The following MARK3 variants were observed in gnomAD, a reference collection of about 807,000 sequenced individuals.
The protein encoded by MARK3 is microtubule affinity regulating kinase 3.
MARK3 carries 46 observed loss-of-function variants against 90.1 expected under a neutral mutation model. The observed-to-expected ratio is 0.51, with a 90% CI of 0.40 to 0.65. MARK3 has a LOEUF of 0.65. Among genes scored for constraint, MARK3 ranks in the 30% least tolerant of loss-of-function variants. The pLI is 0.00. For synonymous variants in MARK3, 321 were observed against 332.6 expected (o/e 0.97, Z 0.38); for missense variants, 818 against 947.2 (o/e 0.86, Z 1.79).
At chr14:103,474,503 T>G (rs1471345551) in intron 12 of MARK3, among the ~76,000 whole-genome samples, 1 of 152,196 alleles carries the variant, frequency 6.6e-6, no homozygotes, top group East Asian at 1.9e-4. Context: ...CCCTGTCTAC[T>G]CAAACTCCGG....
chr14:103,416,712 T>C (rs748265467), intron 2 of MARK3, among the ~76,000 whole-genome samples: 6 of 152,004 alleles, frequency 3.9e-5, no homozygotes, highest in Non-Finnish European at 7.4e-5. Context: ...GCAGAGGTTG[T>C]GGTGAGCCGA....
intron 13 of MARK3, among the ~76,000 whole-genome samples, chr14:103,479,999 C>G (rs1393718920): frequency 6.6e-6 from 1 of 151,994 alleles, no homozygotes; most frequent in African/African-American, 2.4e-5. Context: ...ATTAGGTTGT[C>G]AGGCCGGGCA....
rs1275585191 is a variant in MARK3, at chr14:103,500,731, TC to T, written c.1916+534del. 2.6e-5 allele frequency among the ~76,000 whole-genome samples: 4 copies of T among 151,996 alleles called. No homozygotes were observed. The East Asian group carries it at 7.8e-4, about 30-fold the overall frequency. ...TCGAGTTCCCAGGCTTATGCGATCC[TC>T]CCACCTCAGCCTCCTGAGTATCTGG... On this transcript the variant is annotated intron_variant, in intron 17 of 17. Coordinates refer to ENST00000429436, the MANE Select transcript of MARK3 (RefSeq NM_001128918.3).
chr14:103,500,267 C>CT, intron 17 of MARK3, 67 bp downstream of exon 17: 1 of 1,200,538 alleles, frequency 8.3e-7, no homozygotes, highest in South Asian at 1.4e-5. Context: ...GCAGAGGCGA[C>CT]TATTTTCTGA....
intron 2 of MARK3, among the ~76,000 whole-genome samples, chr14:103,420,077 AG>A (rs2092141610): frequency 6.6e-6 from 1 of 152,210 alleles, no homozygotes; most frequent in Non-Finnish European, 1.5e-5. Flanking sequence ...ATTCCATATA[AG>A]ATATAGAATA....
intron 5 of MARK3, among the ~76,000 whole-genome samples, chr14:103,455,581 AGC>A: frequency 6.6e-6 from 1 of 152,094 alleles, no homozygotes; most frequent in South Asian, 2.1e-4. Context: ...TACAAAAATT[AGC>A]CGGGTGTGGT....
rs1299534465 is a variant in MARK3, at chr14:103,470,453, C to CAATTTTTTTTTTTTTTTTTTTT, written c.1264+2267_1264+2268insAATTTTTTTTTTTTTTTTTTTT. Among the ~76,000 whole-genome samples the CAATTTTTTTTTTTTTTTTTTTT allele has an allele frequency of 2.9e-3, 69 of 24,174 alleles. 1 individual carries two copies. Among genetic ancestry groups the CAATTTTTTTTTTTTTTTTTTTT allele is most frequent in the Non-Finnish European group, 4.7e-3 (57 of 12,012 alleles). 15.9% of individuals were successfully genotyped at this position (24,174 alleles called of 152,430 possible). A position where few individuals can be genotyped will look rare whatever the true frequency, so the allele number is the denominator to read the frequency against. ...CTATTCCAGGATTCAGGAACTAAAT[C>CAATTTTTTTTTTTTTTTTTTTT]TATTTTTTTTTTTTTTTTTGAGATG... On this transcript the variant is annotated intron_variant, in intron 12 of 17. Transcript: ENST00000429436.
chr14:103,447,548 G>T (rs2093027303), intron 3 of MARK3, among the ~76,000 whole-genome samples: 2 of 152,176 alleles, frequency 1.3e-5, no homozygotes, highest in African/African-American at 4.8e-5. Context: ...CAGAAGGATA[G>T]CAGGACCTTA....
intron 1 of MARK3, 43 bp from the exon 2 acceptor site, chr14:103,405,033 T>A: frequency 6.5e-7 from 1 of 1,529,300 alleles, no homozygotes; most frequent in Non-Finnish European, 8.9e-7. Flanking sequence ...GCAAGTACTC[T>A]GTGTTCTCTC....
intron 12 of MARK3, among the ~76,000 whole-genome samples, chr14:103,470,269 T>C (rs2093598809): frequency 1.3e-5 from 2 of 151,804 alleles, no homozygotes; most frequent in South Asian, 2.1e-4. Flanking sequence ...TAGAAGCCAG[T>C]CCTTTATGAG....
At chr14:103,435,548 A>G (rs1053071987) in intron 3 of MARK3, among the ~76,000 whole-genome samples, 1 of 151,906 alleles carries the variant, frequency 6.6e-6, no homozygotes, top group Non-Finnish European at 1.5e-5. Flanking sequence ...AGCTGGGACT[A>G]CAAGCACCCG....
intron 4 of MARK3, among the ~76,000 whole-genome samples, chr14:103,449,909 T>A (rs1409870391): frequency 6.6e-6 from 1 of 151,930 alleles, no homozygotes. Flanking sequence ...AGGATTGATG[T>A]TTAGTATCAA....
At chr14:103,447,827 G>GT (rs1474468647) in intron 3 of MARK3, among the ~76,000 whole-genome samples, 3 of 152,086 alleles carry the variant, frequency 2.0e-5, no homozygotes, top group Non-Finnish European at 4.4e-5. Context: ...CCAGGCTGGA[G>GT]TGCAGTGACG....
At chr14:103,407,546 T>A (rs906447507) in intron 2 of MARK3, among the ~76,000 whole-genome samples, 5 of 137,464 alleles carry the variant, frequency 3.6e-5, no homozygotes, top group Non-Finnish European at 7.7e-5. Context: ...ACAGAGCCTG[T>A]TTTGCCTCTT....
chr14:103,472,683 A>G (rs1261175778), intron 12 of MARK3, among the ~76,000 whole-genome samples: 3 of 148,808 alleles, frequency 2.0e-5, no homozygotes, highest in African/African-American at 4.9e-5. Context: ...TTTCTGTGTG[A>G]CACATCCATA....
Position 103,495,406 on chromosome 14 carries a change from G to A in MARK3, c.1845-3096G>A, listed in dbSNP as rs559250682. Among the ~76,000 whole-genome samples the A allele has an allele frequency of 1.1e-4, 17 of 151,988 alleles. No individual in the cohort carries two copies. In the South Asian group the frequency reaches 3.5e-3, roughly 32 times the overall value. On this transcript the variant is annotated intron_variant, in intron 15 of 17. Transcript: ENST00000429436. ...GAGGCAAGAGGATGGCTTGAACCCA[G>A]GAGGCGTAGGTTGCAGAGAGCCAAG... is the stretch of plus-strand genomic sequence containing the variant.
At chr14:103,398,735 A>C (rs1022313577) in intron 1 of MARK3, among the ~76,000 whole-genome samples, 1 of 152,234 alleles carries the variant, frequency 6.6e-6, no homozygotes, top group Non-Finnish European at 1.5e-5. Flanking sequence ...TGAATGAAAT[A>C]ATTGCCTAGC....
intron 16 of MARK3, chr14:103,499,642 A>C (rs2075543624): frequency 6.6e-6 from 1 of 152,628 alleles, no homozygotes; most frequent in Admixed American, 6.5e-5. Flanking sequence ...TGGCAGTTCC[A>C]TTCTATTATT....
At chr14:103,463,878 A>G (rs528659430) in intron 7 of MARK3, among the ~76,000 whole-genome samples, 1 of 152,282 alleles carries the variant, frequency 6.6e-6, no homozygotes, top group South Asian at 2.1e-4. Context: ...TTAAGCCCTG[A>G]CCATCTCCCC....
Sources: gnomAD v4.1 joint callset for allele counts (sites outside exome capture counted in the v4.1 genomes callset) on GRCh38, gnomAD v4.1.1 for gene constraint, MANE v1.5 for transcripts, NCBI Gene and HGNC (gene_info 2026-07-23, HGNC 2026-07-21) for gene names.